Variants in UHRF2 observed in about 807,000 individuals in gnomAD.
The protein encoded by UHRF2 is ubiquitin like with PHD and ring finger domains 2.
UHRF2 carries 23 observed loss-of-function variants against 96.8 expected under a neutral mutation model. The ratio of observed to expected loss-of-function variants is 0.24; its 90% CI spans 0.17 to 0.34. The LOEUF (loss-of-function observed/expected upper bound fraction) is 0.34. Among genes scored for constraint, UHRF2 ranks in the 10% least tolerant of loss-of-function variants. The pLI, the probability that UHRF2 is intolerant of heterozygous loss-of-function variation, is 1.00. For synonymous variants in UHRF2, 385 were observed against 332.6 expected (o/e 1.16, Z -1.72); for missense variants, 685 against 981.5 (o/e 0.70, Z 4.04).
chr9:6,504,673 C>T lies in UHRF2; in HGVS notation c.2244C>T (p.Cys748=), dbSNP rs1044398661. Residue 748 remains cysteine (C), a synonymous_variant, in exon 15 of 16, where the codon TGC becomes TGT. Coordinates refer to ENST00000276893, the MANE Select transcript of UHRF2 (RefSeq NM_152896.3). ...ELVYQPVTTE[C]FHNVCKDCLQ... is the part of the protein sequence containing the mutation. ...TTTACCAGCCTGTGACAACTGAGTG[C>T]TTCCACAATGTCTGTAAAGTAAGTA... 1 of 1,613,488 alleles carries T rather than the reference C, an allele frequency of 6.2e-7. No homozygotes were observed. The highest frequency in any genetic ancestry group is 8.5e-7 in the Non-Finnish European group (1 of 1,179,544).
At chr9:6,418,008 T>G (rs1819711823) in intron 1 of UHRF2, among the ~76,000 whole-genome samples, 1 of 152,200 alleles carries the variant, frequency 6.6e-6, no homozygotes, top group Non-Finnish European at 1.5e-5. Context: ...ATGCTACTAG[T>G]TAATTTGCAT....
rs1243125763 is a variant in UHRF2, at chr9:6,499,153, G to C, written c.1909-682G>C. 3 of 152,260 alleles carry C rather than the reference G, an allele frequency of 2.0e-5. No homozygotes were observed. In the South Asian group the frequency reaches 6.2e-4, roughly 31 times the overall value. 9.4% of individuals were successfully genotyped at this position (152,260 alleles called of 1,614,324 possible). ...TATTTGAAACTGTGAGCAGAAGCAT[G>C]TGAGCCCATCTGCTATGATGAGTAA... On this transcript the variant is annotated intron_variant, in intron 12 of 15. Transcript: ENST00000276893.
chr9:6,505,753 G>A (rs1816549063), intron 15 of UHRF2, among the ~76,000 whole-genome samples: 1 of 152,162 alleles, frequency 6.6e-6, no homozygotes, highest in Non-Finnish European at 1.5e-5. Flanking sequence ...TTAGGCTAGT[G>A]GCAACCATAT....
chr9:6,461,562 G>A (rs1822545822), intron 4 of UHRF2, among the ~76,000 whole-genome samples: 1 of 151,592 alleles, frequency 6.6e-6, no homozygotes, highest in Non-Finnish European at 1.5e-5. Flanking sequence ...TAGTAGAGAT[G>A]GGGTTTCACC....
At chr9:6,499,151 A>G (rs1466356610) in intron 12 of UHRF2, 1 of 152,248 alleles carries the variant, frequency 6.6e-6, no homozygotes, top group East Asian at 1.9e-4. Flanking sequence ...GAGCAGAAGC[A>G]TGTGAGCCCA....
At chr9:6,486,331 G>C (rs1824288168) in intron 8 of UHRF2, among the ~76,000 whole-genome samples, 1 of 152,196 alleles carries the variant, frequency 6.6e-6, no homozygotes, top group Non-Finnish European at 1.5e-5. Context: ...GGTAAAATCA[G>C]CAATCCTTGT....
intron 4 of UHRF2, 134 bp downstream of exon 4, chr9:6,460,925 A>T (rs1475513932): frequency 1.5e-6 from 1 of 656,244 alleles, no homozygotes; most frequent in Admixed American, 3.7e-5. Context: ...CTGAAGGAGA[A>T]TATTTTTATA....
intron 3 of UHRF2, among the ~76,000 whole-genome samples, chr9:6,456,870 C>G (rs973657976): frequency 3.2e-4 from 48 of 152,274 alleles, no homozygotes; most frequent in African/African-American, 1.0e-3. Context: ...TCTGAGACCT[C>G]TGTTCAGTTC....
At chr9:6,480,267 CAT>C (rs753479663) in intron 6 of UHRF2, among the ~76,000 whole-genome samples, 39 of 152,328 alleles carry the variant, frequency 2.6e-4, no homozygotes, top group South Asian at 1.5e-3. Context: ...ACTCTTGTCA[CAT>C]ATAACCCTGA....
At chr9:6,463,335 A>G (rs1461963784) in intron 4 of UHRF2, among the ~76,000 whole-genome samples, 1 of 152,138 alleles carries the variant, frequency 6.6e-6, no homozygotes, top group Non-Finnish European at 1.5e-5. Context: ...TACCGGCTTG[A>G]TAAAGAGAAT....
intron 2 of UHRF2, chr9:6,422,687 G>A: frequency 1.6e-6 from 1 of 615,384 alleles, no homozygotes; most frequent in East Asian, 3.1e-5. Context: ...ACGGCTCGCT[G>A]TAGCCTTGAC....
At chr9:6,494,059 C>T in intron 10 of UHRF2, 127 bp downstream of exon 10, 1 of 740,826 alleles carries the variant, frequency 1.3e-6, no homozygotes, top group East Asian at 2.8e-5. Context: ...ATTAAAATTC[C>T]AGTGCCTGAT....
At chr9:6,474,989 A>G (rs1236274204) in intron 4 of UHRF2, among the ~76,000 whole-genome samples, 2 of 152,224 alleles carry the variant, frequency 1.3e-5, no homozygotes, top group East Asian at 3.8e-4. Flanking sequence ...CATAAAAGAA[A>G]TGTTAAAATT....
intron 2 of UHRF2, among the ~76,000 whole-genome samples, chr9:6,431,562 G>C (rs1040102662): frequency 3.3e-5 from 5 of 152,056 alleles, no homozygotes; most frequent in Admixed American, 3.3e-4. Flanking sequence ...TCCAGCCTGG[G>C]CAGCAGATAG....
At chr9:6,497,884 C>T (rs1033226646) in intron 11 of UHRF2, 134 bp from the exon 12 acceptor site, 44 of 1,105,356 alleles carry the variant, frequency 4.0e-5, no homozygotes, top group Non-Finnish European at 5.5e-5. Flanking sequence ...ATATTCTTGA[C>T]TTACTGTCCT....
intron 1 of UHRF2, 79 bp downstream of exon 1, chr9:6,413,722 C>G (rs1670536830): frequency 1.5e-6 from 2 of 1,340,734 alleles, no homozygotes; most frequent in Non-Finnish European, 1.9e-6. Context: ...GGTCCGAGGG[C>G]TCTGTGCGCC....
Position 6,434,187 on chromosome 9 carries a change from C to T in UHRF2, c.644+14C>T. On this transcript the variant is annotated intron_variant, in intron 3 of 15. Coordinates refer to ENST00000276893, the MANE Select transcript of UHRF2 (RefSeq NM_152896.3). ...CCAGTATGATGAGTAAGTGCTCAAG[C>T]TATTGAGGACTTTATTCATATTTTC... The T allele has an allele frequency of 6.3e-7, 1 of 1,592,782 alleles. No individual in the cohort carries two copies. The highest frequency in any genetic ancestry group is 8.6e-7 in the Non-Finnish European group (1 of 1,167,936).
intron 3 of UHRF2, among the ~76,000 whole-genome samples, chr9:6,445,981 C>CTTTTTTTTTT (rs57147850): frequency 2.5e-5 from 2 of 78,898 alleles, no homozygotes; most frequent in Non-Finnish European, 4.6e-5. Context: ...CCCCGCCACC[C>CTTTTTTTTTT]TTTTTTTTTT....
intron 3 of UHRF2, among the ~76,000 whole-genome samples, chr9:6,440,083 A>G (rs892816904): frequency 6.6e-6 from 1 of 152,324 alleles, no homozygotes; most frequent in African/African-American, 2.4e-5. Flanking sequence ...AGTTAAGATT[A>G]ACATTTTTAA....
Sources: allele counts gnomAD v4.1 joint callset (sites outside exome capture counted in the v4.1 genomes callset), GRCh38; gene constraint gnomAD v4.1.1; transcripts MANE v1.5; gene names NCBI Gene and HGNC (gene_info 2026-07-23, HGNC 2026-07-21).